The following MAF variants were observed in gnomAD, a reference collection of about 807,000 sequenced individuals.
MAF encodes the protein transcription factor Maf.
A neutral mutation model predicts 22.0 loss-of-function variants in MAF; 10 were observed. That is an observed-to-expected ratio of 0.45 (90% CI 0.28 to 0.77). The LOEUF is 0.77. MAF is among the 30% of genes least tolerant of loss of function. The pLI is 0.12. For missense variants in MAF, 544 were observed against 548.4 expected, an observed-to-expected ratio of 0.99 and a Z score of 0.08; for synonymous variants, 337 against 255.8, an observed-to-expected ratio of 1.32 and a Z score of -3.03.
the MAF span, among the ~76,000 whole-genome samples, chr16:79,547,897 T>A: frequency 0.065 from 2,794 of 43,194 alleles, 54 homozygotes; most frequent in East Asian, 0.16. Flanking sequence ...TGTGTGTGTG[T>A]GTGTGAGAGA....
chr16:79,478,565 G>A, the MAF span, among the ~76,000 whole-genome samples: 1 of 152,132 alleles, frequency 6.6e-6, no homozygotes, highest in Admixed American at 6.5e-5. Context: ...TTTATTTATA[G>A]GATCTTGTAC....
chr16:79,467,157 T>G, the MAF span, among the ~76,000 whole-genome samples: 2 of 152,040 alleles, frequency 1.3e-5, no homozygotes, highest in African/African-American at 4.8e-5. Flanking sequence ...CCTCCAAGGG[T>G]CCCTCCCAAA....
At chr16:79,410,123 T>C in the MAF span, among the ~76,000 whole-genome samples, 3 of 152,170 alleles carry the variant, frequency 2.0e-5, no homozygotes, top group African/African-American at 7.2e-5. Context: ...CTGCTGAGTG[T>C]TCAAACTGTG....
the MAF span, among the ~76,000 whole-genome samples, chr16:79,501,011 T>C: frequency 6.6e-6 from 1 of 152,198 alleles, no homozygotes; most frequent in Non-Finnish European, 1.5e-5. Flanking sequence ...CCACCGCTAG[T>C]GCATTTGTTG....
the MAF span, among the ~76,000 whole-genome samples, chr16:79,490,145 A>T: frequency 6.6e-6 from 1 of 152,208 alleles, no homozygotes; most frequent in African/African-American, 2.4e-5. Flanking sequence ...AAAGATAAAA[A>T]GGGCCAACGA....
chr16:79,468,048 T>C, the MAF span, among the ~76,000 whole-genome samples: 1 of 152,188 alleles, frequency 6.6e-6, no homozygotes, highest in African/African-American at 2.4e-5. Flanking sequence ...AATTAGAATG[T>C]GTCACTGAGC....
chr16:79,306,467 G>A, the MAF span, among the ~76,000 whole-genome samples: 2 of 152,234 alleles, frequency 1.3e-5, no homozygotes, highest in Non-Finnish European at 2.9e-5. Flanking sequence ...GACCCACGGA[G>A]CATTGCTTGG....
At chr16:79,435,513 C>T in the MAF span, among the ~76,000 whole-genome samples, 1 of 152,218 alleles carries the variant, frequency 6.6e-6, no homozygotes, top group East Asian at 1.9e-4. Context: ...TACATTCAGT[C>T]ATTCATGCCT....
the MAF span, among the ~76,000 whole-genome samples, chr16:79,528,658 GA>G: frequency 2.7e-3 from 383 of 139,400 alleles, 3 homozygotes; most frequent in African/African-American, 5.1e-3. Flanking sequence ...TTCGAAGGGA[GA>G]AAAAAAAAAA....
chr16:79,301,140 G>A, the MAF span, among the ~76,000 whole-genome samples: 6 of 152,136 alleles, frequency 3.9e-5, no homozygotes, highest in East Asian at 3.9e-4. Flanking sequence ...CTTGCTACAC[G>A]AGAAACAAGT....
At chr16:79,463,539 T>C in the MAF span, among the ~76,000 whole-genome samples, 4,926 of 152,228 alleles carry the variant, frequency 0.032, 99 homozygotes, top group South Asian at 0.054. Flanking sequence ...GATGCACTAG[T>C]CCTGAGTATA....
the MAF span, among the ~76,000 whole-genome samples, chr16:79,330,049 C>T: frequency 7.2e-5 from 11 of 152,050 alleles, no homozygotes; most frequent in Non-Finnish European, 8.8e-5. Context: ...GAAATTTCAA[C>T]GCACCATTTT....
At chr16:79,244,883 A>G in the MAF span, among the ~76,000 whole-genome samples, 1 of 152,020 alleles carries the variant, frequency 6.6e-6, no homozygotes, top group East Asian at 1.9e-4. Context: ...AGATTAATGG[A>G]ATGGAACAGA....
chr16:79,599,201 TCCGCCGCCGCCG>T lies in MAF; in HGVS notation c.690_701del (p.Gly235_Gly238del), dbSNP rs887468453. 155 of 975,026 alleles carry T rather than the reference TCCGCCGCCGCCG, an allele frequency of 1.6e-4. 1 individual carries two copies. In the East Asian group the frequency reaches 3.9e-3, roughly 25 times the overall value. The allele number at this position is 975,026 out of a possible 1,614,324, so 60.4% of individuals were successfully genotyped here. A position where few individuals can be genotyped will look rare whatever the true frequency, so the allele number is the denominator to read the frequency against. On this transcript the variant is annotated inframe_deletion, in exon 1 of 2. Transcript: ENST00000326043. The stretch of plus-strand genomic sequence containing the variant: ...CCGCCCCCGCCGCGCCCCCGCCGCC[TCCGCCGCCGCCG>T]CCGCCGCCGCCGCCCCCAGCGCTGG...
the MAF span, among the ~76,000 whole-genome samples, chr16:79,229,976 T>A: frequency 2.0e-5 from 3 of 151,698 alleles, no homozygotes; most frequent in Admixed American, 1.3e-4. Context: ...GGGACTCTTA[T>A]CAATTTGCAG....
At chr16:79,421,966 T>TG in the MAF span, among the ~76,000 whole-genome samples, 1 of 152,080 alleles carries the variant, frequency 6.6e-6, no homozygotes, top group Non-Finnish European at 1.5e-5. Flanking sequence ...TTAGTAGAGA[T>TG]GGGGTTTCAC....
intron 1 of MAF, among the ~76,000 whole-genome samples, chr16:79,587,965 G>T (rs1912954784): frequency 6.6e-6 from 1 of 151,918 alleles, no homozygotes; most frequent in African/African-American, 2.4e-5. Context: ...ACCACTTACT[G>T]GGGAAAGATG....
At chr16:79,331,120 A>C in the MAF span, among the ~76,000 whole-genome samples, 7 of 152,178 alleles carry the variant, frequency 4.6e-5, no homozygotes, top group African/African-American at 1.7e-4. Flanking sequence ...ATTTATTCCT[A>C]ACTCAGCAAG....
At chr16:79,223,702 C>T in the MAF span, among the ~76,000 whole-genome samples, 8 of 152,260 alleles carry the variant, frequency 5.3e-5, no homozygotes, top group African/African-American at 1.9e-4. Flanking sequence ...CACAGAAATA[C>T]AAACTACCAT....
Sources: allele counts gnomAD v4.1 joint callset (sites outside exome capture counted in the v4.1 genomes callset), GRCh38; gene constraint gnomAD v4.1.1; transcripts MANE v1.5; gene names NCBI Gene and HGNC (gene_info 2026-07-23, HGNC 2026-07-21).